Variants in THRB observed in about 807,000 individuals in gnomAD.
THRB encodes the protein thyroid hormone receptor beta.
Under a neutral mutation model 47.8 loss-of-function variants are expected in THRB, and 12 were observed. The observed-to-expected ratio is 0.25, with a 90% confidence interval of 0.16 to 0.41. THRB has a LOEUF of 0.41. Ranked by LOEUF, THRB falls within the 10% of genes least tolerant of loss-of-function variation. THRB has a pLI of 1.00. For missense variants in THRB, 348 were observed against 589.2 expected (o/e 0.59, Z 4.24); for synonymous variants, 218 against 212.2 (o/e 1.03, Z -0.24).
chr3:24,457,497 A>G (rs886292205), intron 1 of THRB, among the ~76,000 whole-genome samples: 1 of 152,188 alleles, frequency 6.6e-6, no homozygotes, highest in African/African-American at 2.4e-5. Context: ...TACAGCACAC[A>G]TACCTACTTT....
chr3:24,210,009 A>G (rs143758038), intron 4 of THRB, among the ~76,000 whole-genome samples: 1 of 152,310 alleles, frequency 6.6e-6, no homozygotes, highest in Non-Finnish European at 1.5e-5. Flanking sequence ...TGTGGAGAGA[A>G]CAGAATTAAC....
chr3:24,229,686 G>A (rs1049850608), intron 3 of THRB, among the ~76,000 whole-genome samples: 1 of 152,196 alleles, frequency 6.6e-6, no homozygotes, highest in African/African-American at 2.4e-5. Context: ...GAATGCCAAG[G>A]AAGGGTGCAC....
chr3:24,246,982 T>C (rs536638181), intron 3 of THRB, among the ~76,000 whole-genome samples: 2 of 152,208 alleles, frequency 1.3e-5, no homozygotes, highest in Non-Finnish European at 2.9e-5. Flanking sequence ...GAAAGAGGAA[T>C]TAATCTCTTT....
chr3:24,315,612 G>A (rs1166747722), intron 2 of THRB, among the ~76,000 whole-genome samples: 1 of 152,154 alleles, frequency 6.6e-6, no homozygotes, highest in East Asian at 1.9e-4. Context: ...GATGAGCAAA[G>A]CTTGTGGTAA....
intron 1 of THRB, among the ~76,000 whole-genome samples, chr3:24,380,854 C>A (rs1338765310): frequency 6.6e-6 from 1 of 152,110 alleles, no homozygotes; most frequent in African/African-American, 2.4e-5. Flanking sequence ...CGGTGGCTCA[C>A]GCCTGTAATC....
intron 1 of THRB, chr3:24,458,938 TATTA>T (rs1236605265): frequency 8.6e-5 from 13 of 150,974 alleles, no homozygotes; most frequent in Non-Finnish European, 1.5e-4. Flanking sequence ...TTTATGTATT[TATTA>T]TTTATTTATA....
At chr3:24,182,216 CA>C (rs1160501167) in intron 5 of THRB, among the ~76,000 whole-genome samples, 4 of 139,840 alleles carry the variant, frequency 2.9e-5, no homozygotes, top group South Asian at 4.6e-4. Flanking sequence ...CAAAACAAAA[CA>C]AAAAAACAAA....
intron 3 of THRB, among the ~76,000 whole-genome samples, chr3:24,246,576 A>G (rs1249622110): frequency 6.6e-6 from 1 of 152,208 alleles, no homozygotes; most frequent in Non-Finnish European, 1.5e-5. Flanking sequence ...TGGGGGCAGC[A>G]GCATTTGCAT....
At chr3:24,435,623 C>T (rs1357164212) in intron 1 of THRB, among the ~76,000 whole-genome samples, 3 of 152,162 alleles carry the variant, frequency 2.0e-5, no homozygotes, top group African/African-American at 7.2e-5. Context: ...CTACATGAAA[C>T]CAAAGGGAAT....
chr3:24,162,363 A>G (rs909602020), intron 5 of THRB, among the ~76,000 whole-genome samples: 6 of 152,220 alleles, frequency 3.9e-5, no homozygotes, highest in Non-Finnish European at 8.8e-5. Context: ...TGGCCCCGTG[A>G]GGACTTAGCA....
At chr3:24,291,351 A>G (rs923751819) in intron 3 of THRB, among the ~76,000 whole-genome samples, 1 of 152,200 alleles carries the variant, frequency 6.6e-6, no homozygotes, top group African/African-American at 2.4e-5. Flanking sequence ...TATAAAGTGC[A>G]AACTCCTCTT....
chr3:24,489,538 C>A (rs1697822277), intron 1 of THRB, among the ~76,000 whole-genome samples: 1 of 152,184 alleles, frequency 6.6e-6, no homozygotes, highest in African/African-American at 2.4e-5. Context: ...CAATATGGTT[C>A]TCAGGACAGT....
chr3:24,146,590 T>C, intron 7 of THRB, 85 bp downstream of exon 7: 1 of 1,449,552 alleles, frequency 6.9e-7, no homozygotes, highest in Non-Finnish European at 9.7e-7. Flanking sequence ...GTTCCTGCCT[T>C]CTTTTCTGCC....
At chr3:24,190,014 A>G (rs768405816) in intron 5 of THRB, 60 bp downstream of exon 5, 3 of 1,524,014 alleles carry the variant, frequency 2.0e-6, no homozygotes, top group South Asian at 2.2e-5. Flanking sequence ...CACAGCTACA[A>G]CAGGGATATT....
chr3:24,380,570 A>G (rs2065628715), intron 1 of THRB, among the ~76,000 whole-genome samples: 1 of 152,152 alleles, frequency 6.6e-6, no homozygotes, highest in Non-Finnish European at 1.5e-5. Flanking sequence ...CCCTATGAAC[A>G]CATATTCTAC....
intron 5 of THRB, among the ~76,000 whole-genome samples, chr3:24,187,649 T>G (rs189636309): frequency 3.5e-4 from 53 of 152,292 alleles, no homozygotes; most frequent in Admixed American, 8.5e-4. Context: ...AAGACTGAGA[T>G]GTCAAGCATT....
intron 4 of THRB, among the ~76,000 whole-genome samples, chr3:24,207,216 C>T (rs1167883153): frequency 6.6e-6 from 1 of 152,144 alleles, no homozygotes; most frequent in Non-Finnish European, 1.5e-5. Flanking sequence ...AGACCAATAT[C>T]CCTGATGAAC....
At chr3:24,412,223 A>C (rs927278270) in intron 1 of THRB, among the ~76,000 whole-genome samples, 2 of 151,896 alleles carry the variant, frequency 1.3e-5, no homozygotes, top group African/African-American at 4.8e-5. Flanking sequence ...TATCTGATTT[A>C]GAGACAAATG....
chr3:24,198,695 T>C (rs956985761), intron 4 of THRB, among the ~76,000 whole-genome samples: 1 of 152,172 alleles, frequency 6.6e-6, no homozygotes, highest in African/African-American at 2.4e-5. Context: ...TCTAAGCTCA[T>C]GCAATCATGA....
Sources: allele counts gnomAD v4.1 joint callset (sites outside exome capture counted in the v4.1 genomes callset), GRCh38; gene constraint gnomAD v4.1.1; transcripts MANE v1.5; gene names NCBI Gene and HGNC (gene_info 2026-07-23, HGNC 2026-07-21).